Variants in APBB2 observed in about 807,000 individuals in gnomAD.
The protein encoded by APBB2 is amyloid beta precursor protein binding family B member 2.
A neutral mutation model predicts 82.5 loss-of-function variants in APBB2; 38 were observed. The observed-to-expected ratio is 0.46, with a 90% CI of 0.36 to 0.60. APBB2 has a LOEUF of 0.60. Ranked by LOEUF, APBB2 falls within the 20% of genes least tolerant of loss-of-function variation. The probability of loss-of-function intolerance (pLI) is 0.00; values close to 1 mark genes in which losing one functional copy is unlikely to be tolerated. For missense variants in APBB2, 772 were observed against 972.3 expected, an observed-to-expected ratio of 0.79 and a Z score of 2.74; for synonymous variants, 341 against 368.2, an observed-to-expected ratio of 0.93 and a Z score of 0.85.
chr4:40,849,370 C>G (rs1758595529), intron 12 of APBB2, among the ~76,000 whole-genome samples: 1 of 152,246 alleles, frequency 6.6e-6, no homozygotes, highest in Non-Finnish European at 1.5e-5. Context: ...GCCAGAGCTC[C>G]TAACTAGATT....
intron 4 of APBB2, among the ~76,000 whole-genome samples, chr4:41,041,888 A>G (rs751358656): frequency 3.9e-5 from 6 of 152,276 alleles, no homozygotes; most frequent in Non-Finnish European, 8.8e-5. Context: ...CATTAAATGT[A>G]GATTTTTCCA....
At chr4:40,861,210 C>T (rs947199846) in intron 12 of APBB2, among the ~76,000 whole-genome samples, 6 of 151,976 alleles carry the variant, frequency 3.9e-5, no homozygotes, top group African/African-American at 1.2e-4. Context: ...ATTAGCCGGG[C>T]GTGGTGGCAC....
intron 3 of APBB2, among the ~76,000 whole-genome samples, chr4:41,085,571 G>T (rs1739362807): frequency 6.6e-6 from 1 of 152,012 alleles, no homozygotes; most frequent in Non-Finnish European, 1.5e-5. Context: ...TTTCCAGTTG[G>T]TTATCAAATC....
intron 6 of APBB2, among the ~76,000 whole-genome samples, chr4:40,980,600 G>A (rs928075352): frequency 6.6e-6 from 1 of 152,186 alleles, no homozygotes; most frequent in African/African-American, 2.4e-5. Context: ...CCAAGGAGGG[G>A]AAAGTTTGGG....
chr4:41,038,581 G>C (rs1348173832), intron 4 of APBB2, among the ~76,000 whole-genome samples: 2 of 152,106 alleles, frequency 1.3e-5, no homozygotes, highest in Admixed American at 1.3e-4. Flanking sequence ...AAAATCTCCA[G>C]AATTAAGTTC....
At chr4:41,035,698 C>T (rs144435365) in intron 4 of APBB2, among the ~76,000 whole-genome samples, 3 of 152,320 alleles carry the variant, frequency 2.0e-5, no homozygotes, top group Admixed American at 6.5e-5. Context: ...TCGGGTTCTA[C>T]ATCCATGCAT....
At chr4:40,975,901 G>C (rs972708292) in intron 6 of APBB2, among the ~76,000 whole-genome samples, 1 of 151,348 alleles carries the variant, frequency 6.6e-6, no homozygotes, top group Non-Finnish European at 1.5e-5. Context: ...CTGATTCTAG[G>C]GACTCTCATG....
chr4:41,211,769 A>C (rs1306777842), intron 1 of APBB2, among the ~76,000 whole-genome samples: 1 of 152,202 alleles, frequency 6.6e-6, no homozygotes, highest in Non-Finnish European at 1.5e-5. Context: ...GGTGTTAGCC[A>C]CCGTACCCGG....
intron 1 of APBB2, among the ~76,000 whole-genome samples, chr4:41,180,190 C>A (rs1770935908): frequency 6.6e-6 from 1 of 152,174 alleles, no homozygotes; most frequent in South Asian, 2.1e-4. Context: ...TGCCTGACCC[C>A]CTCCTCGCTA....
intron 6 of APBB2, among the ~76,000 whole-genome samples, chr4:40,973,920 C>T (rs1796543178): frequency 6.6e-6 from 1 of 151,176 alleles, no homozygotes. Context: ...GGCGCGATCT[C>T]GGCTCACTGC....
At chr4:40,907,970 T>C (rs1441693558) in intron 10 of APBB2, among the ~76,000 whole-genome samples, 2 of 151,054 alleles carry the variant, frequency 1.3e-5, no homozygotes, top group Non-Finnish European at 2.9e-5. Context: ...TGCCCAGGTG[T>C]GTGTCTGTGT....
intron 5 of APBB2, among the ~76,000 whole-genome samples, chr4:41,021,614 C>T (rs574630563): frequency 8.5e-5 from 13 of 152,318 alleles, no homozygotes; most frequent in Admixed American, 8.5e-4. Context: ...CCAATCAGCA[C>T]TCTGTAAAAT....
At chr4:40,917,175 C>G (rs761805457) in intron 10 of APBB2, among the ~76,000 whole-genome samples, 1 of 152,148 alleles carries the variant, frequency 6.6e-6, no homozygotes. Flanking sequence ...TTTATTGATC[C>G]CAAATCTGAA....
chr4:41,126,725 C>T (rs1754510731), intron 2 of APBB2, among the ~76,000 whole-genome samples: 1 of 152,192 alleles, frequency 6.6e-6, no homozygotes, highest in Admixed American at 6.5e-5. Context: ...GGCCTCTCTC[C>T]TTGGCTTGTA....
At chr4:41,141,336 G>C (rs1759125250) in intron 2 of APBB2, among the ~76,000 whole-genome samples, 3 of 112,528 alleles carry the variant, frequency 2.7e-5, no homozygotes, top group African/African-American at 5.6e-5. Flanking sequence ...GTGTGTCTGT[G>C]TGTGTGTGTG....
rs1348244788 is a variant in APBB2 at position 41,127,851 on chromosome 4, G to A, written c.-261+15136C>T. ...TCCCAGCACTTTGGGAGGCGGAGGC[G>A]GGTGGATTACCTGAGGTCAGGAGTT... On this transcript the variant is annotated intron_variant, in intron 2 of 17. Transcript: ENST00000508593. The surrounding 1 kb of genome is among the most constrained non-coding windows in gnomAD (Gnocchi z 4.8). Among the ~76,000 whole-genome samples, 16 of 152,004 alleles carry A rather than the reference G, an allele frequency of 1.1e-4. No individual in the cohort carries two copies. The highest frequency in any genetic ancestry group is 2.1e-4 in the South Asian group (1 of 4,810).
At chr4:40,902,676 G>A (rs1417928975) in intron 10 of APBB2, among the ~76,000 whole-genome samples, 16 of 152,164 alleles carry the variant, frequency 1.1e-4, no homozygotes, top group African/African-American at 2.7e-4. Flanking sequence ...TGGGACTACA[G>A]GTGCCTACCA....
intron 6 of APBB2, among the ~76,000 whole-genome samples, chr4:41,004,713 T>C (rs763114219): frequency 6.6e-6 from 1 of 151,552 alleles, no homozygotes; most frequent in Non-Finnish European, 1.5e-5. Context: ...GGCGGGTGTC[T>C]GTAGTCCTAG....
intron 10 of APBB2, among the ~76,000 whole-genome samples, chr4:40,902,136 G>A (rs1482653444): frequency 6.6e-6 from 1 of 152,080 alleles, no homozygotes; most frequent in Non-Finnish European, 1.5e-5. Context: ...AAAAAAATCT[G>A]GTTTCCTTAC....
Sources: gnomAD v4.1 joint callset for allele counts (sites outside exome capture counted in the v4.1 genomes callset) on GRCh38, gnomAD v4.1.1 for gene constraint, Gnocchi (gnomAD v3.1) non-coding constraint, MANE v1.5 for transcripts, NCBI Gene and HGNC (gene_info 2026-07-23, HGNC 2026-07-21) for gene names.